The following CEP164 variants were observed in gnomAD, a reference collection of about 807,000 sequenced individuals.
CEP164 encodes the protein centrosomal protein of 164 kDa.
Under a neutral mutation model 182.7 loss-of-function variants are expected in CEP164, and 162 were observed. The ratio of observed to expected loss-of-function variants is 0.89; its 90% CI spans 0.78 to 1.01. The LOEUF (loss-of-function observed/expected upper bound fraction) is 1.01. Ranked by LOEUF, CEP164 falls within the 50% of genes least tolerant of loss-of-function variation. The probability of loss-of-function intolerance (pLI) is 0.00; values close to 1 mark genes in which losing one functional copy is unlikely to be tolerated. For missense variants in CEP164, 1,735 were observed against 1,790.4 expected (o/e 0.97, Z 0.56); for synonymous variants, 661 against 690.0 (o/e 0.96, Z 0.66).
In CEP164 at chr11:117,390,865, G is replaced by A. The variant is rs1565572296; in HGVS notation, c.2023G>A (p.Ala675Thr). The change falls in exon 16 of 33, where the codon GCT (alanine) becomes ACT (threonine). Residue 675 changes from alanine to threonine, a missense_variant. Ala to Thr is a moderately conservative substitution (Grantham distance 58). Transcript: ENST00000278935. The stretch of plus-strand genomic sequence containing the variant: ...AAGCCAGAGGCTATCCTGGCTCCGA[G>A]CTCAGGTCCAGTCCAGCACACAAGC... ...EESQRLSWLR[A>T]QVQSSTQADE... 1.2e-6 allele frequency: 2 copies of A among 1,613,826 alleles called. No individual in the cohort carries two copies. The highest frequency in any genetic ancestry group is 2.2e-5 in the East Asian group (1 of 44,788).
chr11:117,336,886 T>C (rs1204802315), intron 2 of CEP164, among the ~76,000 whole-genome samples: 1 of 151,914 alleles, frequency 6.6e-6, no homozygotes, highest in African/African-American at 2.4e-5. Flanking sequence ...CAGGTCTGTG[T>C]GTGGCAGCAG....
rs757233980 is a variant in CEP164 at position 117,395,108 on chromosome 11, T to C, written c.2845-15T>C. On this transcript the variant is annotated splice_polypyrimidine_tract_variant and intron_variant, in intron 22 of 32. Transcript: ENST00000278935. The stretch of plus-strand genomic sequence containing the variant: ...GTCTGCAGTCAGCCAGAAAATCCTG[T>C]CTCTTCCCTGCAAGGAGGAGACCGC... The C allele has an allele frequency of 8.1e-6, 13 of 1,613,994 alleles. No homozygotes were observed. Among genetic ancestry groups the C allele is most frequent in the East Asian group, 2.2e-5 (1 of 44,886 alleles).
rs141813476 is a variant in CEP164 at position 117,412,512 on chromosome 11, G to A, written c.*344G>A. On this transcript the variant is annotated 3_prime_UTR_variant, in exon 33 of 33. Coordinates refer to ENST00000278935, the MANE Select transcript of CEP164 (RefSeq NM_014956.5). The stretch of plus-strand genomic sequence containing the variant: ...GGCTCAGGGAGTCCCTTTGGAGCTG[G>A]TTGTTTCCTTGGCCCTGCAGCGCAC... 1.4e-3 allele frequency: 346 copies of A among 239,770 alleles called. 3 individuals carry two copies. Among genetic ancestry groups the A allele is most frequent in the African/African-American group, 7.5e-3 (335 of 44,444 alleles). The allele number at this position is 239,770 out of a possible 1,614,324, so 14.9% of individuals were successfully genotyped here. A position where few individuals can be genotyped will look rare whatever the true frequency, so the allele number is the denominator to read the frequency against.
In CEP164 at chr11:117,391,229, G is replaced by T. The variant is rs545525973; in HGVS notation, c.2283+14G>T. 75 of 1,596,284 alleles carry T rather than the reference G, an allele frequency of 4.7e-5. 1 individual carries two copies. In the South Asian group the frequency reaches 5.1e-4, roughly 11 times the overall value. On this transcript the variant is annotated intron_variant, in intron 17 of 32. Coordinates refer to ENST00000278935, the MANE Select transcript of CEP164 (RefSeq NM_014956.5). ...GAGAGGAAAGAAGTGAGCTAGTCAA[G>T]TGGGGACCTCACCCTCTGACCTGTG...
intron 5 of CEP164, among the ~76,000 whole-genome samples, chr11:117,360,973 C>T (rs1475440203): frequency 4.3e-5 from 6 of 140,634 alleles, no homozygotes; most frequent in Admixed American, 3.0e-4. Flanking sequence ...CTCGCTCTGT[C>T]GCTCAGGCTG....
At position 117,393,045 on chromosome 11, in the gene CEP164, G is replaced by A; in HGVS notation, c.2535G>A (p.Gly845=). 13 of 1,613,760 alleles carry A rather than the reference G, an allele frequency of 8.1e-6. No individual in the cohort carries two copies. The highest frequency in any genetic ancestry group is 1.1e-5 in the Non-Finnish European group (13 of 1,179,912). The part of the protein sequence containing the change: ...LLREKRQEVE[G]EHERRLDKMK... ...GAGAGAAGCGCCAGGAAGTGGAAGG[G>A]GAGCATGAGAGGAGGTTGGACAAGA... Residue 845 remains glycine, a synonymous_variant, in exon 20 of 33, where the codon GGG becomes GGA. Coordinates refer to ENST00000278935, the MANE Select transcript of CEP164 (RefSeq NM_014956.5).
At chr11:117,410,686 A>C (rs1592522129) in intron 30 of CEP164, 142 bp from the exon 31 acceptor site, 1 of 607,786 alleles carries the variant, frequency 1.6e-6, no homozygotes, top group Admixed American at 2.8e-5. Flanking sequence ...AATAAATAGG[A>C]CCATTCCTGT....
At position 117,351,999 on chromosome 11, in the gene CEP164, G is replaced by C; in HGVS notation, c.393+11G>C. The C allele has an allele frequency of 6.4e-7, 1 of 1,558,950 alleles. No homozygotes were observed. The highest frequency in any genetic ancestry group is 8.7e-7 in the Non-Finnish European group (1 of 1,151,248). Reference sequence around the variant, plus strand: ...CCCAAAAGTTCGCTGGTGAGTCAGTGGATGCCTCCTCCCAGAGAGGCCAGG... The same window carrying C: ...CCCAAAAGTTCGCTGGTGAGTCAGTCGATGCCTCCTCCCAGAGAGGCCAGG... On this transcript the variant is annotated intron_variant, in intron 5 of 32. Coordinates refer to ENST00000278935, the MANE Select transcript of CEP164 (RefSeq NM_014956.5).
rs773045906 is a variant in CEP164 at position 117,351,985 on chromosome 11, G to T, written c.390G>T (p.Ser130=). The T allele has an allele frequency of 4.5e-6, 7 of 1,569,414 alleles. No individual in the cohort carries two copies. In the Admixed American group the frequency reaches 1.3e-4, roughly 30 times the overall value. ...AGGACAGAGACCCCCCCAAAAGTTC[G>T]CTGGTGAGTCAGTGGATGCCTCCTC... is the stretch of plus-strand genomic sequence containing the variant. ...DKKDRDPPKS[S]LALGSSLAPV... is the part of the protein sequence containing the mutation. Residue 130 remains serine (S), a synonymous_variant, in exon 5 of 33, where the codon TCG becomes TCT. Coordinates refer to ENST00000278935, the MANE Select transcript of CEP164 (RefSeq NM_014956.5).
chr11:117,382,923 C>T lies in CEP164; in HGVS notation c.1705C>T (p.Pro569Ser). 2 of 1,610,444 alleles carry T rather than the reference C, an allele frequency of 1.2e-6. No individual in the cohort carries two copies. The highest frequency in any genetic ancestry group is 2.7e-5 in the African/African-American group (2 of 75,006). ...GGAGAAGGTGGCGGTCAGCCCCACC[C>T]CGCCAGTCTCTCCAGAGGTGTAAGG... Reference protein sequence around the residue: ...PEEKVAVSPTPPVSPEVRSTE... With the variant: ...PEEKVAVSPTSPVSPEVRSTE... Residue 569 changes from proline (P) to serine (S), a missense_variant, in exon 14 of 33, where the codon CCG becomes TCG. By Grantham distance (74) the Pro-to-Ser change is moderately conservative. Coordinates refer to ENST00000278935, the MANE Select transcript of CEP164 (RefSeq NM_014956.5).
At chr11:117,357,721 C>A (rs2040466909) in intron 5 of CEP164, among the ~76,000 whole-genome samples, 1 of 151,570 alleles carries the variant, frequency 6.6e-6, no homozygotes, top group Non-Finnish European at 1.5e-5. Context: ...CGTGCCTGGG[C>A]TGAGAGCTAA....
chr11:117,329,974 AG>A (rs1447856129), intron 1 of CEP164, among the ~76,000 whole-genome samples: 5 of 151,584 alleles, frequency 3.3e-5, no homozygotes, highest in Non-Finnish European at 4.4e-5. Flanking sequence ...CCTGTAACAT[AG>A]GAAGTGTTCA....
chr11:117,371,726 A>ACCCTCCATTGGCC (rs759877601), intron 9 of CEP164, among the ~76,000 whole-genome samples: 2 of 149,508 alleles, frequency 1.3e-5, no homozygotes, highest in Non-Finnish European at 3.0e-5. Flanking sequence ...TTCCATTGGC[A>ACCCTCCATTGGCC]CCCTCCTGGA....
chr11:117,366,860 A>C (rs1055177087), intron 8 of CEP164, among the ~76,000 whole-genome samples: 1 of 152,082 alleles, frequency 6.6e-6, no homozygotes, highest in African/African-American at 2.4e-5. Context: ...GAAGAACCTC[A>C]TGGCTTTTGG....
chr11:117,345,698 T>G (rs1309030286), intron 4 of CEP164, among the ~76,000 whole-genome samples: 1 of 152,144 alleles, frequency 6.6e-6, no homozygotes, highest in Non-Finnish European at 1.5e-5. Context: ...TGATCTTTTT[T>G]TTTTTGAGAT....
At chr11:117,378,979 A>G (rs898164216) in intron 11 of CEP164, among the ~76,000 whole-genome samples, 7 of 151,916 alleles carry the variant, frequency 4.6e-5, no homozygotes, top group Admixed American at 2.0e-4. Context: ...TACTCATCTT[A>G]TATTTTAGTT....
intron 27 of CEP164, among the ~76,000 whole-genome samples, chr11:117,400,812 CT>C (rs2046051010): frequency 6.6e-6 from 1 of 152,130 alleles, no homozygotes; most frequent in South Asian, 2.1e-4. Context: ...TATAGGAATG[CT>C]TATAATTTTT....
intron 10 of CEP164, among the ~76,000 whole-genome samples, chr11:117,375,332 T>C (rs1412679353): frequency 1.3e-5 from 2 of 152,198 alleles, no homozygotes; most frequent in Non-Finnish European, 1.5e-5. Context: ...GGGCGAGTTA[T>C]ATGTGCTCTC....
At chr11:117,370,135 T>G (rs890031388) in intron 8 of CEP164, among the ~76,000 whole-genome samples, 1 of 152,192 alleles carries the variant, frequency 6.6e-6, no homozygotes, top group Non-Finnish European at 1.5e-5. Context: ...CTCACTTCCT[T>G]TATCCTTTAT....
Sources: allele counts gnomAD v4.1 joint callset (sites outside exome capture counted in the v4.1 genomes callset), GRCh38; gene constraint gnomAD v4.1.1; transcripts MANE v1.5; gene names NCBI Gene and HGNC (gene_info 2026-07-23, HGNC 2026-07-21).